OXSR1: variants seen among roughly 807,000 people sequenced by gnomAD.
OXSR1 encodes oxidative stress responsive kinase 1.
A neutral mutation model predicts 79.8 loss-of-function variants in OXSR1; 24 were observed. The ratio of observed to expected loss-of-function variants is 0.30; its 90% CI spans 0.22 to 0.42. The LOEUF is 0.42. Among genes scored for constraint, OXSR1 ranks in the 10% least tolerant of loss-of-function variants. OXSR1 has a pLI of 1.00. For missense variants in OXSR1, 430 were observed against 618.4 expected (o/e 0.70, Z 3.23); for synonymous variants, 226 against 209.2 (o/e 1.08, Z -0.69).
chr3:38,175,720 T>A (rs1701665196), intron 1 of OXSR1, among the ~76,000 whole-genome samples: 1 of 152,210 alleles, frequency 6.6e-6, no homozygotes, highest in African/African-American at 2.4e-5. Context: ...GTTACCCAGT[T>A]TGAAAGATTT....
chr3:38,171,573 GT>G (rs926985117), intron 1 of OXSR1, among the ~76,000 whole-genome samples: 2 of 151,576 alleles, frequency 1.3e-5, no homozygotes, highest in African/African-American at 4.8e-5. Context: ...CTCACATTCT[GT>G]TTTGTTCTTC....
At chr3:38,204,943 CAG>C (rs576200652) in intron 4 of OXSR1, among the ~76,000 whole-genome samples, 10 of 152,194 alleles carry the variant, frequency 6.6e-5, no homozygotes, top group Non-Finnish European at 1.5e-4. Context: ...TTTAGGACCC[CAG>C]AGCACTTTAG....
chr3:38,235,474 A>G (rs1702900493), intron 10 of OXSR1, among the ~76,000 whole-genome samples: 1 of 152,222 alleles, frequency 6.6e-6, no homozygotes, highest in Non-Finnish European at 1.5e-5. Flanking sequence ...AAACAGAAGA[A>G]AGTAAATCAT....
chr3:38,204,833 G>T (rs920493160), intron 4 of OXSR1, among the ~76,000 whole-genome samples: 6 of 151,908 alleles, frequency 3.9e-5, no homozygotes, highest in Non-Finnish European at 8.8e-5. Flanking sequence ...TGTCTCACTG[G>T]GTTGTGTGCT....
chr3:38,246,854 A>G (rs1703151721), intron 13 of OXSR1, among the ~76,000 whole-genome samples: 1 of 152,162 alleles, frequency 6.6e-6, no homozygotes, highest in Non-Finnish European at 1.5e-5. Context: ...ATGTGGCCCT[A>G]TGGTACATGG....
rs1034919944 is a variant in OXSR1, at chr3:38,234,694, A to C, written c.952-2145A>C. On this transcript the variant is annotated intron_variant, in intron 10 of 17. Coordinates refer to ENST00000311806, the MANE Select transcript of OXSR1 (RefSeq NM_005109.3). The stretch of plus-strand genomic sequence containing the variant: ...GAAAGCAGTCTGGCAGTTCCTCAGA[A>C]GCCTAAACAAAGTCACCAGGTGACC... 5.9e-5 allele frequency among the ~76,000 whole-genome samples: 9 copies of C among 152,238 alleles called. No homozygotes were observed. In the South Asian group the frequency reaches 1.9e-3, roughly 32 times the overall value.
chr3:38,222,760 A>G (rs1702614241), intron 6 of OXSR1, among the ~76,000 whole-genome samples: 1 of 152,204 alleles, frequency 6.6e-6, no homozygotes, highest in South Asian at 2.1e-4. Context: ...TATAGAAATT[A>G]AGGTGATAAT....
intron 15 of OXSR1, 136 bp downstream of exon 15, chr3:38,250,154 G>A (rs1228837940): frequency 3.2e-6 from 2 of 634,746 alleles, no homozygotes; most frequent in Non-Finnish European, 5.6e-6. Flanking sequence ...GCGAGTATAT[G>A]AGTGAGATAA....
chr3:38,244,701 G>A (rs1703105928), intron 12 of OXSR1, among the ~76,000 whole-genome samples: 1 of 134,096 alleles, frequency 7.5e-6, no homozygotes, highest in African/African-American at 2.6e-5. Context: ...TCATCTGTCA[G>A]TGGACACTTG....
chr3:38,250,008 T>C lies in OXSR1; in HGVS notation c.1365T>C (p.Thr455=), dbSNP rs1236292625. ...KELNDIRFEF[T]PGRDTAEGVS... is the part of the protein sequence containing the mutation. ...TAAATGATATTCGATTTGAATTTAC[T>C]CCTGGGAGAGGTGAGGCATCAAATG... The change falls in exon 15 of 18, where the codon ACT becomes ACC. Residue 455 remains threonine (T), a synonymous_variant. Coordinates refer to ENST00000311806, the MANE Select transcript of OXSR1 (RefSeq NM_005109.3). 6.9e-6 allele frequency: 11 copies of C among 1,593,180 alleles called. No homozygotes were observed. Among genetic ancestry groups the C allele is most frequent in the Non-Finnish European group, 9.5e-6 (11 of 1,162,706 alleles).
chr3:38,192,707 G>A (rs974065791), intron 3 of OXSR1, among the ~76,000 whole-genome samples: 3 of 152,168 alleles, frequency 2.0e-5, no homozygotes, highest in Non-Finnish European at 4.4e-5. Flanking sequence ...CGAACATTTT[G>A]TTTTGGTTAC....
rs376144957 is a variant in OXSR1, at chr3:38,223,769, C to T, written c.601-43C>T. ...TGGCCAGAAGCTAACTTTTAAAAGT[C>T]CTTTTATGCTGGTAAAAATAATCAT... On this transcript the variant is annotated intron_variant, in intron 6 of 17. Coordinates refer to ENST00000311806, the MANE Select transcript of OXSR1 (RefSeq NM_005109.3). 4.2e-6 allele frequency: 6 copies of T among 1,429,410 alleles called. No homozygotes were observed. The South Asian group carries it at 4.7e-5, about 11-fold the overall frequency. 88.5% of individuals were successfully genotyped at this position (1,429,410 alleles called of 1,614,324 possible).
chr3:38,180,670 A>G (rs527563662), intron 1 of OXSR1, among the ~76,000 whole-genome samples: 3 of 151,694 alleles, frequency 2.0e-5, no homozygotes, highest in African/African-American at 7.3e-5. Flanking sequence ...AGCTAGGACT[A>G]TAAGTGCACA....
chr3:38,166,663 C>A (rs1005605253), intron 1 of OXSR1, among the ~76,000 whole-genome samples: 1 of 151,812 alleles, frequency 6.6e-6, no homozygotes, highest in African/African-American at 2.4e-5. Context: ...TGGTGGTGCG[C>A]GCCTGTAATC....
intron 7 of OXSR1, 132 bp downstream of exon 7, chr3:38,224,045 A>G (rs1457287469): frequency 1.8e-6 from 1 of 568,068 alleles, no homozygotes; most frequent in Non-Finnish European, 3.1e-6. Flanking sequence ...ATCTTTAACC[A>G]TTTTGAATAT....
intron 4 of OXSR1, among the ~76,000 whole-genome samples, chr3:38,201,170 A>G (rs1366233248): frequency 6.6e-6 from 1 of 152,088 alleles, no homozygotes; most frequent in Non-Finnish European, 1.5e-5. Context: ...TCTCACAAGT[A>G]GCAGGGATTA....
At chr3:38,236,691 G>A in intron 10 of OXSR1, 148 bp from the exon 11 acceptor site, 1 of 635,040 alleles carries the variant, frequency 1.6e-6, no homozygotes, top group Non-Finnish European at 2.6e-6. Flanking sequence ...GGTGATGGTT[G>A]GAGGATATGA....
At chr3:38,250,532 G>T (rs906127346) in intron 15 of OXSR1, among the ~76,000 whole-genome samples, 23 of 152,146 alleles carry the variant, frequency 1.5e-4, no homozygotes, top group African/African-American at 5.1e-4. Context: ...GGTCTGTCAT[G>T]TACTGTTTCT....
At chr3:38,191,987 G>T (rs1273341556) in intron 3 of OXSR1, among the ~76,000 whole-genome samples, 2 of 152,148 alleles carry the variant, frequency 1.3e-5, no homozygotes, top group East Asian at 3.9e-4. Context: ...GAAAAGGCAA[G>T]ATAAATAATG....
Sources: allele counts gnomAD v4.1 joint callset (sites outside exome capture counted in the v4.1 genomes callset), GRCh38; gene constraint gnomAD v4.1.1; transcripts MANE v1.5; gene names NCBI Gene and HGNC (gene_info 2026-07-23, HGNC 2026-07-21).